The following NRG3 variants were observed in gnomAD, a reference collection of about 807,000 sequenced individuals.
NRG3 encodes neuregulin 3, also known as pro-neuregulin-3, membrane-bound isoform.
In NRG3, 31 loss-of-function variants were observed where a neutral mutation model predicts 66.9. That is an observed-to-expected ratio of 0.46 (90% CI 0.35 to 0.63). The LOEUF (loss-of-function observed/expected upper bound fraction) is 0.63, where lower values mean the gene tolerates loss of function less well. Among genes scored for constraint, NRG3 ranks in the 20% least tolerant of loss-of-function variants. The probability of loss-of-function intolerance (pLI) is 0.00; values close to 1 mark genes in which losing one functional copy is unlikely to be tolerated. For synonymous variants in NRG3, 393 were observed against 359.4 expected (o/e 1.09, Z -1.06); for missense variants, 910 against 878.9 (o/e 1.04, Z -0.45).
At chr10:82,763,930 G>T (rs142037090) in intron 3 of NRG3, among the ~76,000 whole-genome samples, 109 of 152,302 alleles carry the variant, frequency 7.2e-4, no homozygotes, top group African/African-American at 2.5e-3. Context: ...CATATTGAAT[G>T]AAGTAAAATA....
At chr10:82,185,850 C>T (rs1267839858) in intron 1 of NRG3, among the ~76,000 whole-genome samples, 2 of 152,118 alleles carry the variant, frequency 1.3e-5, no homozygotes, top group East Asian at 1.9e-4. Flanking sequence ...GAAACAAGTT[C>T]GAGTTAGGTT....
At chr10:82,126,215 A>C (rs1483287521) in intron 1 of NRG3, among the ~76,000 whole-genome samples, 2 of 152,138 alleles carry the variant, frequency 1.3e-5, no homozygotes, top group Non-Finnish European at 2.9e-5. Context: ...TTAGATAATA[A>C]ATTAAATATC....
rs1262061815 is a variant in NRG3 at position 81,900,716 on chromosome 10, T to C, written c.823+24553T>C. ...AGGTATGATTTACCCAATTTTGCTG[T>C]CCTGAGAGGAAATATTACAAATGAT... On this transcript the variant is annotated intron_variant, in intron 1 of 8. Transcript: ENST00000372141. 2.0e-5 allele frequency among the ~76,000 whole-genome samples: 3 copies of C among 152,268 alleles called. No homozygotes were observed. In the East Asian group the frequency reaches 5.8e-4, roughly 29 times the overall value.
intron 3 of NRG3, among the ~76,000 whole-genome samples, chr10:82,782,501 A>AT (rs1419592931): frequency 2.6e-5 from 4 of 152,140 alleles, no homozygotes; most frequent in Non-Finnish European, 5.9e-5. Flanking sequence ...GTATTCTGTT[A>AT]CCTCAGCAAA....
intron 2 of NRG3, among the ~76,000 whole-genome samples, chr10:82,459,318 T>G (rs1564945684): frequency 6.6e-6 from 1 of 152,154 alleles, no homozygotes. Context: ...GTTGCACTGG[T>G]TTCTAATTGT....
At chr10:81,902,630 TG>T (rs777955649) in intron 1 of NRG3, among the ~76,000 whole-genome samples, 1 of 152,130 alleles carries the variant, frequency 6.6e-6, no homozygotes, top group Non-Finnish European at 1.5e-5. Context: ...GAGAAATAAA[TG>T]TGTGTTGTTT....
intron 2 of NRG3, among the ~76,000 whole-genome samples, chr10:82,696,856 G>A (rs1013398079): frequency 6.6e-6 from 1 of 152,178 alleles, no homozygotes; most frequent in African/African-American, 2.4e-5. Context: ...CACATACTTT[G>A]TCCAGTTTGA....
At chr10:82,828,484 C>T (rs746595512) in intron 3 of NRG3, among the ~76,000 whole-genome samples, 22 of 151,968 alleles carry the variant, frequency 1.4e-4, no homozygotes, top group Non-Finnish European at 2.4e-4. Flanking sequence ...CTATACCTTA[C>T]CTACTCTCCT....
intron 2 of NRG3, among the ~76,000 whole-genome samples, chr10:82,525,002 A>G (rs968267083): frequency 6.6e-6 from 1 of 151,944 alleles, no homozygotes; most frequent in African/African-American, 2.4e-5. Flanking sequence ...GAAAGAGCCA[A>G]TAAGTGATAT....
intron 1 of NRG3, among the ~76,000 whole-genome samples, chr10:82,274,246 A>T (rs2078734528): frequency 6.6e-6 from 1 of 152,106 alleles, no homozygotes; most frequent in African/African-American, 2.4e-5. Flanking sequence ...AAAAAATTTT[A>T]GCATAGCAAA....
chr10:82,672,208 T>G (rs1007792150), intron 2 of NRG3, among the ~76,000 whole-genome samples: 1 of 152,016 alleles, frequency 6.6e-6, no homozygotes, highest in African/African-American at 2.4e-5. Flanking sequence ...AAAGAAATGT[T>G]TTAGGCAGTG....
intron 4 of NRG3, among the ~76,000 whole-genome samples, chr10:82,899,313 G>A (rs1359394646): frequency 6.6e-6 from 1 of 152,128 alleles, no homozygotes; most frequent in Non-Finnish European, 1.5e-5. Flanking sequence ...AGAACCTAGA[G>A]TCCAAAGGTG....
intron 1 of NRG3, among the ~76,000 whole-genome samples, chr10:82,050,798 T>TACTCTCTGTCTCTCCAGCCATGCCTCC (rs144350506): frequency 0.34 from 51,062 of 148,760 alleles, 10,182 homozygotes; most frequent in South Asian, 0.5. Context: ...AGACTCCTCC[T>TACTCTCTGTCTCTCCAGCCATGCCTCC]ACTCTCTGTC....
intron 2 of NRG3, among the ~76,000 whole-genome samples, chr10:82,574,520 GAAGAA>G (rs970193640): frequency 2.0e-5 from 3 of 151,756 alleles, no homozygotes; most frequent in African/African-American, 7.3e-5. Context: ...AAAATAGCTA[GAAGAA>G]AAGATTTGAA....
intron 3 of NRG3, among the ~76,000 whole-genome samples, chr10:82,761,924 C>CTTTCTT (rs2059327332): frequency 1.5e-5 from 1 of 68,224 alleles, no homozygotes; most frequent in Non-Finnish European, 3.1e-5. Flanking sequence ...CTTTCTTTCT[C>CTTTCTT]TTTCTTTCTT....
chr10:82,767,408 G>A (rs2059556190), intron 3 of NRG3, among the ~76,000 whole-genome samples: 1 of 152,036 alleles, frequency 6.6e-6, no homozygotes, highest in Admixed American at 6.6e-5. Context: ...TAGAGTGTCT[G>A]AAAAATGTCT....
At chr10:82,618,334 A>G (rs766278582) in intron 2 of NRG3, among the ~76,000 whole-genome samples, 7 of 151,940 alleles carry the variant, frequency 4.6e-5, no homozygotes, top group Non-Finnish European at 8.8e-5. Context: ...ACGGGGGGGA[A>G]TTTATGCGGG....
chr10:82,627,916 AC>A (rs2049537577), intron 2 of NRG3, among the ~76,000 whole-genome samples: 1 of 152,212 alleles, frequency 6.6e-6, no homozygotes, highest in Non-Finnish European at 1.5e-5. Context: ...TCTAGGCAGT[AC>A]AATCTCAGTG....
chr10:82,569,668 C>A (rs1304893712), intron 2 of NRG3, among the ~76,000 whole-genome samples: 1 of 151,626 alleles, frequency 6.6e-6, no homozygotes, highest in Non-Finnish European at 1.5e-5. Context: ...GCCTATGTCT[C>A]CTTTAGCTGA....
Sources: allele counts gnomAD v4.1 joint callset (sites outside exome capture counted in the v4.1 genomes callset), GRCh38; gene constraint gnomAD v4.1.1; transcripts MANE v1.5; gene names NCBI Gene and HGNC (gene_info 2026-07-23, HGNC 2026-07-21).